Variants in PSD3 observed in about 807,000 individuals in gnomAD.
PSD3 encodes pleckstrin and Sec7 domain containing 3.
PSD3 carries 49 observed loss-of-function variants against 105.5 expected under a neutral mutation model. The observed-to-expected ratio is 0.46, with a 90% CI of 0.37 to 0.59. The LOEUF is 0.59. PSD3 is among the 20% of genes least tolerant of loss of function. The pLI, the probability that PSD3 is intolerant of heterozygous loss-of-function variation, is 0.00. For missense variants in PSD3, 1,561 were observed against 1,263.8 expected (o/e 1.24, Z -3.57); for synonymous variants, 557 against 457.8 (o/e 1.22, Z -2.77).
intron 4 of PSD3, among the ~76,000 whole-genome samples, chr8:18,815,541 C>T (rs1812145346): frequency 6.6e-6 from 1 of 152,122 alleles, no homozygotes; most frequent in Non-Finnish European, 1.5e-5. Flanking sequence ...GAACTCCTGG[C>T]CTCAAGTGAT....
chr8:18,652,810 T>C (rs1392055075), intron 10 of PSD3, among the ~76,000 whole-genome samples: 1 of 152,116 alleles, frequency 6.6e-6, no homozygotes, highest in Non-Finnish European at 1.5e-5. Flanking sequence ...TTAGCTCCTT[T>C]GCTAAAGGAT....
At chr8:18,923,013 C>G (rs1821132738) in intron 2 of PSD3, among the ~76,000 whole-genome samples, 1 of 152,082 alleles carries the variant, frequency 6.6e-6, no homozygotes, top group Admixed American at 6.5e-5. Flanking sequence ...CAATCATTGG[C>G]TATTGGTGAT....
At chr8:18,643,319 T>C (rs11996020) in intron 10 of PSD3, among the ~76,000 whole-genome samples, 11,758 of 152,236 alleles carry the variant, frequency 0.077, 606 homozygotes, top group African/African-American at 0.15. Flanking sequence ...CCTTGCCTAA[T>C]GGTTGGGGGA....
At chr8:18,553,567 T>C (rs951709210) in intron 15 of PSD3, among the ~76,000 whole-genome samples, 1 of 152,208 alleles carries the variant, frequency 6.6e-6, no homozygotes, top group South Asian at 2.1e-4. Context: ...ATAACTCTTA[T>C]ATCTGCTATG....
At chr8:18,888,834 A>G (rs574303972) in intron 2 of PSD3, among the ~76,000 whole-genome samples, 6 of 152,126 alleles carry the variant, frequency 3.9e-5, no homozygotes, top group African/African-American at 1.4e-4. Flanking sequence ...GCTCCTTCCA[A>G]GGGGAGGAAA....
At chr8:18,834,113 C>G (rs941555028) in intron 4 of PSD3, among the ~76,000 whole-genome samples, 4 of 152,178 alleles carry the variant, frequency 2.6e-5, no homozygotes, top group African/African-American at 9.6e-5. Context: ...GTTTCTCTCA[C>G]TAATCCCTCT....
rs376919568 is a variant in PSD3, at chr8:18,776,430, C to G, written c.2083-10892G>C. On this transcript the variant is annotated intron_variant, in intron 8 of 15. Transcript: ENST00000327040. ...ACGGAGTCTCGATCTCTTGCCCAGGCTGGAGTGCAGTGGCACAACCTCGGC... is the reference window on the plus strand; with the variant it reads ...ACGGAGTCTCGATCTCTTGCCCAGGGTGGAGTGCAGTGGCACAACCTCGGC... Among the ~76,000 whole-genome samples, 35 of 150,596 alleles carry G rather than the reference C, an allele frequency of 2.3e-4. 1 individual carries two copies. The highest frequency in any genetic ancestry group is 1.4e-3 in the Admixed American group (21 of 15,088).
intron 9 of PSD3, among the ~76,000 whole-genome samples, chr8:18,764,713 A>G (rs1205416365): frequency 6.6e-6 from 1 of 152,212 alleles, no homozygotes; most frequent in Non-Finnish European, 1.5e-5. Flanking sequence ...AAAGAAATTG[A>G]TTCCAAAAGA....
At position 18,713,968 on chromosome 8, in the gene PSD3, A is replaced by G. The variant is rs1802416072; in HGVS notation, c.2172+51481T>C. ...AATGGAACAGAAAGAGAACTCAGAA[A>G]TAAGACTACACATTTACAACCATCT... is the stretch of plus-strand genomic sequence containing the variant. On this transcript the variant is annotated intron_variant, in intron 9 of 15. Transcript: ENST00000327040. 2.0e-5 allele frequency among the ~76,000 whole-genome samples: 3 copies of G among 152,200 alleles called. No homozygotes were observed. The South Asian group carries it at 6.2e-4, about 32-fold the overall frequency.
intron 2 of PSD3, among the ~76,000 whole-genome samples, chr8:18,886,377 A>G (rs1448065438): frequency 6.6e-6 from 1 of 152,166 alleles, no homozygotes; most frequent in Non-Finnish European, 1.5e-5. Context: ...TGGGAATTAA[A>G]GAATGGTTGG....
rs148333038 is a variant in PSD3, at chr8:18,971,163, CA to C, written c.22-35022del. Among the ~76,000 whole-genome samples the C allele has an allele frequency of 8.4e-3, 1,277 of 152,136 alleles. 15 individuals are homozygous for C. Among genetic ancestry groups the C allele is most frequent in the African/African-American group, 0.029 (1,217 of 41,504 alleles). On this transcript the variant is annotated intron_variant, in intron 1 of 15. Coordinates refer to ENST00000327040, the MANE Select transcript of PSD3 (RefSeq NM_015310.4). ...AATAAGGACCTTCCTATGTAGATTACAAATTAAAAACAAAATGGACTCAAGT... is the reference window on the plus strand; with the variant it reads ...AATAAGGACCTTCCTATGTAGATTACAATTAAAAACAAAATGGACTCAAGT...
At chr8:18,578,040 T>A (rs1166881143) in intron 12 of PSD3, among the ~76,000 whole-genome samples, 1 of 152,136 alleles carries the variant, frequency 6.6e-6, no homozygotes, top group African/African-American at 2.4e-5. Context: ...GTCTTCTTCA[T>A]TGGTTTTACT....
chr8:18,901,588 C>T (rs1007133576), intron 2 of PSD3, among the ~76,000 whole-genome samples: 1 of 151,988 alleles, frequency 6.6e-6, no homozygotes, highest in African/African-American at 2.4e-5. Flanking sequence ...TTGATTCTTT[C>T]CTCTTTCTCC....
intron 9 of PSD3, among the ~76,000 whole-genome samples, chr8:18,693,355 T>C (rs113203155): frequency 2.0e-5 from 3 of 152,324 alleles, no homozygotes; most frequent in African/African-American, 4.8e-5. Flanking sequence ...CAAAGCGCAA[T>C]GGCTATGAGC....
chr8:18,948,029 A>T (rs545551262), intron 1 of PSD3, among the ~76,000 whole-genome samples: 1 of 152,312 alleles, frequency 6.6e-6, no homozygotes, highest in African/African-American at 2.4e-5. Flanking sequence ...GACTATTATG[A>T]GTTCACAGCA....
At chr8:19,078,116 G>A (rs1232393756) in intron 1 of PSD3, among the ~76,000 whole-genome samples, 2 of 151,970 alleles carry the variant, frequency 1.3e-5, no homozygotes. Context: ...CTGCAGCCTC[G>A]AACTCCCAGG....
At chr8:18,799,458 G>C in intron 7 of PSD3, 105 bp from the exon 8 acceptor site, 1 of 882,672 alleles carries the variant, frequency 1.1e-6, no homozygotes, top group South Asian at 1.4e-5. Flanking sequence ...AAACAGTACT[G>C]TGCTAGGTAC....
chr8:18,948,690 C>T (rs1186547929), intron 1 of PSD3, among the ~76,000 whole-genome samples: 1 of 152,182 alleles, frequency 6.6e-6, no homozygotes, highest in Non-Finnish European at 1.5e-5. Context: ...GCATAAGCAT[C>T]AGCCTTAGTC....
intron 14 of PSD3, among the ~76,000 whole-genome samples, chr8:18,570,703 C>G (rs914368430): frequency 2.0e-5 from 3 of 150,784 alleles, no homozygotes; most frequent in Non-Finnish European, 4.4e-5. Flanking sequence ...ATTTATGCAG[C>G]CAAAAAACAC....
Sources: allele counts gnomAD v4.1 joint callset (sites outside exome capture counted in the v4.1 genomes callset), GRCh38; gene constraint gnomAD v4.1.1; transcripts MANE v1.5; gene names NCBI Gene and HGNC (gene_info 2026-07-23, HGNC 2026-07-21).